The following GLIS3 variants were observed in gnomAD, a reference collection of about 807,000 sequenced individuals.
The protein encoded by GLIS3 is zinc finger protein GLIS3.
In GLIS3, 53 loss-of-function variants were observed where a neutral mutation model predicts 78.6. The observed-to-expected ratio is 0.67, with a 90% CI of 0.54 to 0.85. The LOEUF (loss-of-function observed/expected upper bound fraction) is 0.85. GLIS3 is among the 40% of genes least tolerant of loss of function. The pLI, the probability that GLIS3 is intolerant of heterozygous loss-of-function variation, is 0.00. For missense variants in GLIS3, 1,703 were observed against 1,231.1 expected (o/e 1.38, Z -5.74); for synonymous variants, 684 against 509.9 (o/e 1.34, Z -4.60).
At chr9:4,057,429 T>C (rs921710759) in intron 4 of GLIS3, among the ~76,000 whole-genome samples, 4 of 152,266 alleles carry the variant, frequency 2.6e-5, no homozygotes, top group African/African-American at 9.6e-5. Context: ...AAGAGCTTGA[T>C]AGGAAAGCAC....
At chr9:4,383,428 G>C in the GLIS3 span, among the ~76,000 whole-genome samples, 6 of 152,110 alleles carry the variant, frequency 3.9e-5, no homozygotes, top group Non-Finnish European at 8.8e-5. Context: ...AAACTAATGT[G>C]GGTCTACCCT....
At chr9:4,345,635 A>C (rs947656965) in intron 2 of GLIS3, among the ~76,000 whole-genome samples, 1 of 152,218 alleles carries the variant, frequency 6.6e-6, no homozygotes, top group South Asian at 2.1e-4. Flanking sequence ...AAAACTTTAA[A>C]TGTAGCAGAT....
At chr9:4,412,260 C>G in the GLIS3 span, among the ~76,000 whole-genome samples, 1 of 152,300 alleles carries the variant, frequency 6.6e-6, no homozygotes, top group South Asian at 2.1e-4. Flanking sequence ...GAGAGGTGAA[C>G]AATGTGACTT....
intron 1 of GLIS3, among the ~76,000 whole-genome samples, chr9:4,296,685 T>C (rs530010692): frequency 3.3e-5 from 5 of 152,242 alleles, no homozygotes; most frequent in Admixed American, 2.0e-4. Flanking sequence ...GATCTACTCA[T>C]ACTCAAGGAT....
At chr9:4,340,369 T>A (rs9987905) in intron 2 of GLIS3, among the ~76,000 whole-genome samples, 1 of 145,230 alleles carries the variant, frequency 6.9e-6, no homozygotes, top group Non-Finnish European at 1.5e-5. Flanking sequence ...TGAATAGAAG[T>A]GAGGGGGTGG....
the GLIS3 span, among the ~76,000 whole-genome samples, chr9:4,469,056 T>G: frequency 5.6e-4 from 85 of 152,072 alleles, no homozygotes; most frequent in Middle Eastern, 6.8e-3. Context: ...TACATAATGG[T>G]AAAGGGATCA....
chr9:4,459,665 T>G, the GLIS3 span, among the ~76,000 whole-genome samples: 2 of 152,246 alleles, frequency 1.3e-5, no homozygotes, highest in African/African-American at 4.8e-5. Flanking sequence ...CTTGGGAGAC[T>G]GAGGCAGAAG....
intron 2 of GLIS3, among the ~76,000 whole-genome samples, chr9:4,235,488 A>C (rs1822645144): frequency 6.6e-6 from 1 of 152,210 alleles, no homozygotes; most frequent in Admixed American, 6.5e-5. Flanking sequence ...AATTATGTTC[A>C]GAAGGTTTCT....
chr9:3,872,944 A>T (rs1009893104), intron 8 of GLIS3, among the ~76,000 whole-genome samples: 4 of 152,210 alleles, frequency 2.6e-5, no homozygotes, highest in Non-Finnish European at 5.9e-5. Flanking sequence ...ATGAAATAGA[A>T]ACTAAAAAAT....
At chr9:4,287,919 C>G (rs1024452957) in intron 1 of GLIS3, among the ~76,000 whole-genome samples, 3 of 152,184 alleles carry the variant, frequency 2.0e-5, no homozygotes, top group East Asian at 3.9e-4. Context: ...AGAATGTTTT[C>G]TTAATTCTTA....
chr9:4,116,810 TAAATG>T (rs750103865), intron 4 of GLIS3, among the ~76,000 whole-genome samples: 104 of 152,342 alleles, frequency 6.8e-4, no homozygotes, highest in Non-Finnish European at 9.0e-4. Context: ...TCTTAGACTT[TAAATG>T]AAATATTTCT....
chr9:3,984,851 A>G (rs886890187), intron 4 of GLIS3, among the ~76,000 whole-genome samples: 2 of 152,128 alleles, frequency 1.3e-5, no homozygotes, highest in African/African-American at 4.8e-5. Flanking sequence ...TGTTCTCGTA[A>G]TAGTGAATGA....
At chr9:4,112,413 G>C (rs867284837) in intron 4 of GLIS3, among the ~76,000 whole-genome samples, 14 of 152,214 alleles carry the variant, frequency 9.2e-5, no homozygotes, top group Middle Eastern at 3.2e-3. Flanking sequence ...CATCTTAACA[G>C]AAGTAACAGG....
At chr9:4,393,540 A>G in the GLIS3 span, among the ~76,000 whole-genome samples, 2 of 152,114 alleles carry the variant, frequency 1.3e-5, no homozygotes, top group Non-Finnish European at 2.9e-5. Flanking sequence ...CCCGTATCGC[A>G]TTAGTTGTCA....
At chr9:3,898,537 G>A in intron 7 of GLIS3, 154 bp downstream of exon 7, 3 of 787,126 alleles carry the variant, frequency 3.8e-6, no homozygotes, top group Non-Finnish European at 6.7e-6. Flanking sequence ...CCCAGCTCAG[G>A]AATCAGAAGG....
intron 6 of GLIS3, among the ~76,000 whole-genome samples, chr9:3,908,238 G>A (rs1451204452): frequency 6.6e-6 from 1 of 152,182 alleles, no homozygotes; most frequent in Non-Finnish European, 1.5e-5. Flanking sequence ...AAGGGGCAAC[G>A]TCCTCATCTT....
intron 2 of GLIS3, among the ~76,000 whole-genome samples, chr9:4,267,250 G>A (rs1280318270): frequency 6.6e-6 from 1 of 151,932 alleles, no homozygotes; most frequent in African/African-American, 2.4e-5. Context: ...GGCAATTTCT[G>A]GTATCTGGAC....
chr9:4,428,228 C>T, the GLIS3 span, among the ~76,000 whole-genome samples: 5 of 151,988 alleles, frequency 3.3e-5, no homozygotes, highest in African/African-American at 1.2e-4. Flanking sequence ...CCTGTAATCC[C>T]AGCCCTTTGG....
rs1048003880 is a variant in GLIS3, at chr9:4,177,769, T to A, written c.389-51828A>T. On this transcript the variant is annotated intron_variant, in intron 2 of 10. Coordinates refer to ENST00000381971, the MANE Select transcript of GLIS3 (RefSeq NM_001042413.2). ...AAAGTGTTCCTGGTGGGTTTGGAGG[T>A]ATTTTTTTTCTTTCTGAAAGTGCAG... Among the ~76,000 whole-genome samples, 12 of 152,244 alleles carry A rather than the reference T, an allele frequency of 7.9e-5. 1 individual carries two copies. In the South Asian group the frequency reaches 2.3e-3, roughly 29 times the overall value.
Sources: allele counts gnomAD v4.1 joint callset (sites outside exome capture counted in the v4.1 genomes callset), GRCh38; gene constraint gnomAD v4.1.1; transcripts MANE v1.5; gene names NCBI Gene and HGNC (gene_info 2026-07-23, HGNC 2026-07-21).